NETO2: variants seen among roughly 807,000 people sequenced by gnomAD.
NETO2 encodes neuropilin and tolloid like 2.
Under a neutral mutation model 62.5 loss-of-function variants are expected in NETO2, and 28 were observed. That is an observed-to-expected ratio of 0.45 (90% confidence interval 0.33 to 0.61). The LOEUF is 0.61. Ranked by LOEUF, NETO2 falls within the 20% of genes least tolerant of loss-of-function variation. NETO2 has a pLI of 0.02. For synonymous variants in NETO2, 214 were observed against 219.1 expected (o/e 0.98, Z 0.21); for missense variants, 548 against 643.2 (o/e 0.85, Z 1.60).
Position 47,109,728 on chromosome 16 carries a change from A to G in NETO2, c.655-17T>C, listed in dbSNP as rs535057638. The stretch of plus-strand genomic sequence containing the variant: ...CAAATAAATCTGTAATATTAACACA[A>G]AAACACTGCTTTTAAAAAGATATAT... On this transcript the variant is annotated splice_polypyrimidine_tract_variant and intron_variant, in intron 6 of 8. Transcript: ENST00000562435. The G allele has an allele frequency of 4.0e-6, 6 of 1,512,778 alleles. No homozygotes were observed. In the South Asian group the frequency reaches 4.5e-5, roughly 11 times the overall value. The allele number at this position is 1,512,778 out of a possible 1,614,324, so 93.7% of individuals were successfully genotyped here.
intron 6 of NETO2, among the ~76,000 whole-genome samples, chr16:47,110,113 T>C (rs1963762796): frequency 6.6e-6 from 1 of 152,198 alleles, no homozygotes; most frequent in African/African-American, 2.4e-5. Flanking sequence ...TTCTGCACAT[T>C]AAAAAAACCT....
intron 7 of NETO2, among the ~76,000 whole-genome samples, chr16:47,097,389 T>A (rs903315889): frequency 3.3e-5 from 5 of 152,206 alleles, no homozygotes; most frequent in Admixed American, 2.6e-4. Flanking sequence ...CCCCTCACAG[T>A]GTAAACAAAG....
chr16:47,137,347 C>T (rs1027115734), intron 1 of NETO2, among the ~76,000 whole-genome samples: 1 of 152,174 alleles, frequency 6.6e-6, no homozygotes, highest in African/African-American at 2.4e-5. Flanking sequence ...TCTAGGGATG[C>T]AGAAGCTGCT....
intron 7 of NETO2, among the ~76,000 whole-genome samples, chr16:47,093,560 A>C (rs554376788): frequency 6.6e-6 from 1 of 152,226 alleles, no homozygotes; most frequent in African/African-American, 2.4e-5. Flanking sequence ...TCCTAGCATC[A>C]AACACAGTAC....
intron 1 of NETO2, among the ~76,000 whole-genome samples, chr16:47,140,676 A>G (rs1194600387): frequency 1.3e-5 from 2 of 152,236 alleles, no homozygotes; most frequent in Non-Finnish European, 2.9e-5. Context: ...CAAAAAGTTG[A>G]TTTTTAATAA....
intron 6 of NETO2, among the ~76,000 whole-genome samples, chr16:47,115,700 T>TATATATATATACAC (rs1567391516): frequency 8.8e-5 from 12 of 136,604 alleles, no homozygotes; most frequent in African/African-American, 3.8e-4. Flanking sequence ...CTAATTTTTA[T>TATATATATATACAC]ATATATATAT....
At chr16:47,123,937 T>A (rs1490830912) in intron 4 of NETO2, among the ~76,000 whole-genome samples, 1 of 152,228 alleles carries the variant, frequency 6.6e-6, no homozygotes, top group Non-Finnish European at 1.5e-5. Context: ...AACCTTGTGA[T>A]CTGCCTGCCT....
chr16:47,109,669 C>T lies in NETO2; in HGVS notation c.697G>A (p.Glu233Lys). ...ACTGCAACGAAGTTTCTCTTGCATTCATTTGAGTGCTCCATTTGATAATCT... is the reference window on the plus strand; with the variant it reads ...ACTGCAACGAAGTTTCTCTTGCATTTATTTGAGTGCTCCATTTGATAATCT... The part of the protein sequence containing the change: ...FLDYQMEHSN[E>K]CKRNFVAVYD... Residue 233 changes from glutamate to lysine, a missense_variant, in exon 7 of 9, where the codon GAA (glutamate) becomes AAA (lysine). Physicochemically the swap from Glu to Lys is moderately conservative, Grantham distance 56. Coordinates refer to ENST00000562435, the MANE Select transcript of NETO2 (RefSeq NM_018092.5). The T allele has an allele frequency of 6.2e-7, 1 of 1,613,964 alleles. No homozygotes were observed. The highest frequency in any genetic ancestry group is 8.5e-7 in the Non-Finnish European group (1 of 1,179,856).
Position 47,140,795 on chromosome 16 carries a change from G to A in NETO2, c.34+2784C>T, listed in dbSNP as rs868365517. ...TGAAAAACGAGTTAATACTTGCACC[G>A]TCTCAGACAAGATTTTTAAATACAG... is the stretch of plus-strand genomic sequence containing the variant. On this transcript the variant is annotated intron_variant, in intron 1 of 8. Transcript: ENST00000562435. Among the ~76,000 whole-genome samples the A allele has an allele frequency of 3.7e-4, 57 of 152,244 alleles. No individual in the cohort carries two copies. The Middle Eastern group carries it at 0.017, about 45-fold the overall frequency.
At chr16:47,111,072 T>C (rs1304067473) in intron 6 of NETO2, among the ~76,000 whole-genome samples, 2 of 152,224 alleles carry the variant, frequency 1.3e-5, no homozygotes, top group African/African-American at 4.8e-5. Context: ...CCATCACTTA[T>C]ATAACCCAAA....
chr16:47,086,184 C>G (rs767530491), intron 8 of NETO2, 42 bp downstream of exon 8: 15 of 1,060,440 alleles, frequency 1.4e-5, no homozygotes, highest in Non-Finnish European at 2.1e-5. Context: ...AGGGCAATAG[C>G]CACTCTTTTC....
chr16:47,131,885 A>T, intron 2 of NETO2, 84 bp downstream of exon 2: 1 of 1,125,890 alleles, frequency 8.9e-7, no homozygotes, highest in Admixed American at 1.7e-5. Flanking sequence ...GATTATGAAA[A>T]TAGTACCCAA....
intron 7 of NETO2, among the ~76,000 whole-genome samples, chr16:47,094,002 T>C (rs1265530885): frequency 2.6e-5 from 4 of 152,210 alleles, no homozygotes; most frequent in African/African-American, 9.6e-5. Flanking sequence ...GATGTGAACA[T>C]ACAAACTCAA....
intron 1 of NETO2, among the ~76,000 whole-genome samples, chr16:47,133,228 T>C (rs959453581): frequency 1.4e-4 from 21 of 152,116 alleles, no homozygotes; most frequent in African/African-American, 3.9e-4. Context: ...CATACTCTGG[T>C]TGGACCTTAC....
At chr16:47,137,914 A>G (rs915171894) in intron 1 of NETO2, among the ~76,000 whole-genome samples, 44 of 152,334 alleles carry the variant, frequency 2.9e-4, no homozygotes, top group Non-Finnish European at 4.9e-4. Context: ...ATCAGAGTGA[A>G]GGCTCTATAA....
chr16:47,092,656 GTTAT>G lies in NETO2; in HGVS notation c.884-6321_884-6318del, dbSNP rs540866374. ...TCTTTGTATAAAGCACTGATTTGTA[GTTAT>G]TTGACACAGTGAAACAGCCTCTGCA... On this transcript the variant is annotated intron_variant, in intron 7 of 8. Transcript: ENST00000562435. 9.2e-5 allele frequency among the ~76,000 whole-genome samples: 14 copies of G among 152,272 alleles called. No homozygotes were observed. The South Asian group carries it at 2.7e-3, about 29-fold the overall frequency.
At chr16:47,140,846 A>G (rs925825516) in intron 1 of NETO2, among the ~76,000 whole-genome samples, 3 of 152,262 alleles carry the variant, frequency 2.0e-5, no homozygotes, top group Admixed American at 6.5e-5. Flanking sequence ...TTGCTGTTAC[A>G]TTACAAATTT....
intron 1 of NETO2, among the ~76,000 whole-genome samples, chr16:47,133,835 T>C (rs983464243): frequency 1.3e-5 from 2 of 152,172 alleles, no homozygotes; most frequent in Admixed American, 6.5e-5. Context: ...CTTCTAACTA[T>C]AATGAGAAGC....
intron 7 of NETO2, among the ~76,000 whole-genome samples, chr16:47,094,416 C>CTTATTTAT (rs962011848): frequency 1.1e-4 from 17 of 149,520 alleles, no homozygotes; most frequent in South Asian, 2.1e-4. Context: ...TATTTATTTA[C>CTTATTTAT]TTATTTATTT....
Sources: gnomAD v4.1 joint callset for allele counts (sites outside exome capture counted in the v4.1 genomes callset) on GRCh38, gnomAD v4.1.1 for gene constraint, MANE v1.5 for transcripts, NCBI Gene and HGNC (gene_info 2026-07-23, HGNC 2026-07-21) for gene names.